The following IL1R1 variants were observed in gnomAD, a reference collection of about 807,000 sequenced individuals.
IL1R1 encodes the protein interleukin-1 receptor type 1.
A neutral mutation model predicts 50.2 loss-of-function variants in IL1R1; 22 were observed. That is an observed-to-expected ratio of 0.44 (90% CI 0.31 to 0.63). The LOEUF (loss-of-function observed/expected upper bound fraction) is 0.63. IL1R1 is among the 20% of genes least tolerant of loss of function. The pLI is 0.07. For synonymous variants in IL1R1, 251 were observed against 236.7 expected (o/e 1.06, Z -0.55); for missense variants, 509 against 676.2 (o/e 0.75, Z 2.74).
intron 6 of IL1R1, among the ~76,000 whole-genome samples, chr2:102,167,593 G>A (rs1252368608): frequency 2.0e-5 from 3 of 151,616 alleles, no homozygotes; most frequent in Admixed American, 2.0e-4. Context: ...AACTACAGGC[G>A]CCCGCCACCA....
intron 1 of IL1R1, among the ~76,000 whole-genome samples, chr2:102,108,977 A>ATAG (rs1401797259): frequency 2.8e-4 from 34 of 120,504 alleles, no homozygotes; most frequent in South Asian, 7.8e-4. Context: ...AATAATAATA[A>ATAG]TAATAATAAT....
intron 1 of IL1R1, among the ~76,000 whole-genome samples, chr2:102,129,891 C>T (rs1559477850): frequency 6.6e-6 from 1 of 152,108 alleles, no homozygotes; most frequent in Non-Finnish European, 1.5e-5. Flanking sequence ...ATATTAAGCA[C>T]ATTAGACATG....
intron 1 of IL1R1, among the ~76,000 whole-genome samples, chr2:102,116,959 G>A (rs1226813662): frequency 2.6e-5 from 4 of 152,184 alleles, no homozygotes; most frequent in Non-Finnish European, 2.9e-5. Flanking sequence ...GAGTTTGAAA[G>A]ACTCTAATGA....
At chr2:102,165,845 A>G (rs1292721977) in intron 5 of IL1R1, among the ~76,000 whole-genome samples, 2 of 152,152 alleles carry the variant, frequency 1.3e-5, no homozygotes, top group Non-Finnish European at 2.9e-5. Flanking sequence ...TAGTGTTAAC[A>G]TTTTTTTCAA....
intron 1 of IL1R1, among the ~76,000 whole-genome samples, chr2:102,151,184 G>T (rs1366530376): frequency 6.6e-6 from 1 of 151,906 alleles, no homozygotes; most frequent in Non-Finnish European, 1.5e-5. Context: ...CTCTCCTCAG[G>T]GTCATCCCCA....
intron 1 of IL1R1, among the ~76,000 whole-genome samples, chr2:102,133,527 A>C (rs968175023): frequency 3.9e-5 from 6 of 152,230 alleles, no homozygotes; most frequent in Non-Finnish European, 8.8e-5. Context: ...GTAGTAAATC[A>C]AATCCAACAG....
Position 102,178,402 on chromosome 2 carries a change from TA to T in IL1R1, c.*1648del, listed in dbSNP as rs1184435784. The stretch of plus-strand genomic sequence containing the variant: ...ATAGATTTATGTAATGCTTTATGTT[TA>T]AAAACATTCCCCAATTATCTTATTT... On this transcript the variant is annotated 3_prime_UTR_variant, in exon 12 of 12. Transcript: ENST00000410023. 1 of 152,316 alleles carries T rather than the reference TA, an allele frequency of 6.6e-6. No homozygotes were observed. The highest frequency in any genetic ancestry group is 1.9e-4 in the East Asian group (1 of 5,290). 9.4% of individuals were successfully genotyped at this position (152,316 alleles called of 1,614,324 possible).
At chr2:102,093,370 G>A (rs1188151604) in intron 1 of IL1R1, among the ~76,000 whole-genome samples, 2 of 152,196 alleles carry the variant, frequency 1.3e-5, no homozygotes, top group Admixed American at 1.3e-4. Flanking sequence ...GAAGTAGAAT[G>A]TCTAGATTAG....
chr2:102,111,196 G>A (rs35163677), intron 1 of IL1R1, among the ~76,000 whole-genome samples: 39,800 of 152,034 alleles, frequency 0.26, 5,781 homozygotes, highest in African/African-American at 0.39. Context: ...CATGGGCTGG[G>A]GAAGATGGTG....
intron 1 of IL1R1, among the ~76,000 whole-genome samples, chr2:102,130,179 T>C (rs1368501364): frequency 1.3e-5 from 2 of 152,230 alleles, no homozygotes; most frequent in Non-Finnish European, 2.9e-5. Context: ...TGTACGTGTG[T>C]ATGAAAAAGA....
chr2:102,105,524 C>T (rs1338029963), intron 1 of IL1R1, among the ~76,000 whole-genome samples: 2 of 151,348 alleles, frequency 1.3e-5, no homozygotes, highest in East Asian at 1.9e-4. Context: ...GCCACCATGC[C>T]CTGCTAACTT....
At position 102,090,505 on chromosome 2, in the gene IL1R1, C is replaced by G. The variant is rs55990843; in HGVS notation, c.-84+19972C>G. 7.7e-3 allele frequency among the ~76,000 whole-genome samples: 1,168 copies of G among 152,182 alleles called. 15 individuals carry two copies. The highest frequency in any genetic ancestry group is 0.027 in the African/African-American group (1,119 of 41,530). On this transcript the variant is annotated intron_variant, in intron 1 of 11. Transcript: ENST00000409929. The stretch of plus-strand genomic sequence containing the variant: ...CTTACGCTCTTTTTATTATTTTTCT[C>G]TCTATGCATTGGTTTTGATATTTTC...
chr2:102,162,438 C>T (rs577484041), intron 3 of IL1R1, among the ~76,000 whole-genome samples: 2 of 152,008 alleles, frequency 1.3e-5, no homozygotes, highest in African/African-American at 4.8e-5. Flanking sequence ...TGGGATCTTG[C>T]TATTTGTTTT....
intron 5 of IL1R1, among the ~76,000 whole-genome samples, chr2:102,165,767 A>G (rs1260454095): frequency 6.6e-6 from 1 of 152,236 alleles, no homozygotes; most frequent in Admixed American, 6.5e-5. Context: ...ATGGGGAATC[A>G]TCTTGTAGAG....
At chr2:102,071,879 C>T (rs1018924711) in intron 1 of IL1R1, among the ~76,000 whole-genome samples, 25 of 152,100 alleles carry the variant, frequency 1.6e-4, no homozygotes, top group Admixed American at 3.3e-4. Flanking sequence ...GGCCATCTTC[C>T]GAGGAAGCAC....
At chr2:102,074,263 A>G (rs1269929557) in intron 1 of IL1R1, among the ~76,000 whole-genome samples, 1 of 152,194 alleles carries the variant, frequency 6.6e-6, no homozygotes, top group Admixed American at 6.5e-5. Context: ...TCTGCTCCAC[A>G]TGACGTGGTC....
intron 1 of IL1R1, among the ~76,000 whole-genome samples, chr2:102,135,142 C>A (rs535686529): frequency 4.1e-5 from 2 of 49,034 alleles, no homozygotes; most frequent in Admixed American, 1.8e-4. Context: ...TATCTAAAAT[C>A]TGTTTTTTTT....
At chr2:102,142,588 G>T (rs1682738979), upstream of IL1R1, 1 of 151,964 alleles carries the variant, frequency 6.6e-6, no homozygotes, top group Non-Finnish European at 1.5e-5. Context: ...GGGCAGGGCG[G>T]TGTCCGCAGG....
intron 5 of IL1R1, 34 bp downstream of exon 5, chr2:102,165,338 C>A (rs372560862): frequency 3.2e-6 from 4 of 1,246,326 alleles, no homozygotes; most frequent in Middle Eastern, 2.0e-4. Flanking sequence ...TTTCACTTTT[C>A]CAGAAAATAA....
Sources: allele counts gnomAD v4.1 joint callset (sites outside exome capture counted in the v4.1 genomes callset), GRCh38; gene constraint gnomAD v4.1.1; transcripts MANE v1.5; gene names NCBI Gene and HGNC (gene_info 2026-07-23, HGNC 2026-07-21).